ARHGAP22: variants seen among roughly 807,000 people sequenced by gnomAD.
ARHGAP22 encodes the protein rho GTPase-activating protein 22.
In ARHGAP22, 48 loss-of-function variants were observed where a neutral mutation model predicts 59.1. The observed-to-expected ratio is 0.81, with a 90% confidence interval of 0.64 to 1.03. The LOEUF is 1.03. Ranked by LOEUF, ARHGAP22 falls within the 50% of genes least tolerant of loss-of-function variation. The probability of loss-of-function intolerance (pLI) is 0.00; values close to 1 mark genes in which losing one functional copy is unlikely to be tolerated. For synonymous variants in ARHGAP22, 445 were observed against 416.4 expected (o/e 1.07, Z -0.84); for missense variants, 1,015 against 958.7 (o/e 1.06, Z -0.78).
At chr10:48,583,255 G>T (rs1244953412) in intron 1 of ARHGAP22, 103 bp from the exon 2 acceptor site, 1 of 1,356,206 alleles carries the variant, frequency 7.4e-7, no homozygotes, top group Non-Finnish European at 1.0e-6. Flanking sequence ...AGGCATGGGA[G>T]CCCAGGCCAG....
At chr10:48,520,698 G>T (rs1241206935) in intron 3 of ARHGAP22, among the ~76,000 whole-genome samples, 3 of 152,126 alleles carry the variant, frequency 2.0e-5, no homozygotes, top group Non-Finnish European at 4.4e-5. Context: ...GAGGGAGGGT[G>T]AGGATGTCGG....
intron 1 of ARHGAP22, among the ~76,000 whole-genome samples, chr10:48,647,809 G>A (rs1020067955): frequency 1.3e-5 from 2 of 152,184 alleles, no homozygotes; most frequent in East Asian, 1.9e-4. Context: ...ACGGGTGAGC[G>A]GAGAAACACA....
intron 1 of ARHGAP22, among the ~76,000 whole-genome samples, chr10:48,630,516 C>A (rs2061595183): frequency 1.3e-5 from 2 of 152,206 alleles, no homozygotes; most frequent in Admixed American, 1.3e-4. Context: ...AGATTATGTA[C>A]ATATTCTGTT....
At chr10:48,534,704 C>T (rs1317918593) in intron 3 of ARHGAP22, among the ~76,000 whole-genome samples, 1 of 152,210 alleles carries the variant, frequency 6.6e-6, no homozygotes, top group African/African-American at 2.4e-5. Flanking sequence ...GATGGGGAAA[C>T]TAAGGCTTGA....
intron 1 of ARHGAP22, among the ~76,000 whole-genome samples, chr10:48,589,499 GA>G (rs2059626581): frequency 6.6e-6 from 1 of 152,126 alleles, no homozygotes; most frequent in South Asian, 2.1e-4. Context: ...ACACTCCAGA[GA>G]AATGTCTCAT....
chr10:48,453,561 C>G, intron 7 of ARHGAP22, 136 bp from the exon 8 acceptor site: 1 of 1,311,290 alleles, frequency 7.6e-7, no homozygotes, highest in South Asian at 1.3e-5. Flanking sequence ...TGTAGCCTGC[C>G]TCTGCCAGGC....
chr10:48,585,032 C>G (rs962381005), intron 1 of ARHGAP22, among the ~76,000 whole-genome samples: 1 of 151,662 alleles, frequency 6.6e-6, no homozygotes, highest in African/African-American at 2.4e-5. Context: ...CAGGCACTGT[C>G]TGAGGACACA....
At chr10:48,451,754 T>C (rs1396137536) in intron 8 of ARHGAP22, 11 of 559,514 alleles carry the variant, frequency 2.0e-5, no homozygotes, top group East Asian at 1.2e-4. Context: ...CCACCCAGCC[T>C]CCCCAAATCC....
intron 3 of ARHGAP22, among the ~76,000 whole-genome samples, chr10:48,541,201 G>T (rs1226760436): frequency 6.6e-6 from 1 of 152,072 alleles, no homozygotes; most frequent in Non-Finnish European, 1.5e-5. Context: ...AGGAGGCTCT[G>T]TACTTGGGTT....
chr10:48,517,499 C>A (rs957899554), intron 3 of ARHGAP22, among the ~76,000 whole-genome samples: 1 of 152,202 alleles, frequency 6.6e-6, no homozygotes, highest in Non-Finnish European at 1.5e-5. Context: ...AGAAAACACA[C>A]CTCCAAGCCT....
In ARHGAP22 at chr10:48,477,812, G is replaced by A. The variant is rs1414532871; in HGVS notation, c.451+1824C>T. ...ATGGCTGTCCAAGTCTCTTGCCCAC[G>A]CTTCTGCTGCCTTGTCTGTTTTTGC... On this transcript the variant is annotated intron_variant, in intron 4 of 9. Transcript: ENST00000249601. 4.6e-5 allele frequency among the ~76,000 whole-genome samples: 7 copies of A among 152,268 alleles called. 1 individual carries two copies. Among genetic ancestry groups the A allele is most frequent in the East Asian group, 3.9e-4 (2 of 5,190 alleles).
intron 3 of ARHGAP22, among the ~76,000 whole-genome samples, chr10:48,503,621 T>C (rs1188643198): frequency 1.3e-5 from 2 of 152,256 alleles, no homozygotes; most frequent in Non-Finnish European, 2.9e-5. Flanking sequence ...TGTCCTTCCC[T>C]ACCATCCCAT....
chr10:48,562,116 C>T (rs1374734781), intron 2 of ARHGAP22, among the ~76,000 whole-genome samples: 6 of 151,924 alleles, frequency 3.9e-5, no homozygotes, highest in Non-Finnish European at 8.8e-5. Context: ...GTCCCAGCTA[C>T]TCAGGAGGCT....
At chr10:48,503,528 C>A (rs2051754515) in intron 3 of ARHGAP22, among the ~76,000 whole-genome samples, 1 of 152,226 alleles carries the variant, frequency 6.6e-6, no homozygotes, top group Non-Finnish European at 1.5e-5. Flanking sequence ...CCGTCACTGG[C>A]ACCACCACCC....
intron 3 of ARHGAP22, among the ~76,000 whole-genome samples, chr10:48,491,182 G>A (rs1384236976): frequency 6.6e-6 from 1 of 152,086 alleles, no homozygotes; most frequent in Non-Finnish European, 1.5e-5. Context: ...CAGTGAGCCT[G>A]AAGGCCCCTC....
intron 4 of ARHGAP22, among the ~76,000 whole-genome samples, chr10:48,473,868 G>A (rs972210585): frequency 3.9e-5 from 6 of 152,166 alleles, no homozygotes; most frequent in African/African-American, 1.4e-4. Flanking sequence ...ACCAGGCAAG[G>A]GATACACATG....
At chr10:48,631,244 T>G (rs1181287937) in intron 1 of ARHGAP22, among the ~76,000 whole-genome samples, 1 of 152,216 alleles carries the variant, frequency 6.6e-6, no homozygotes, top group Non-Finnish European at 1.5e-5. Flanking sequence ...TCTATATTCA[T>G]AAAAGATACT....
chr10:48,470,774 C>T (rs1286623939), intron 4 of ARHGAP22, among the ~76,000 whole-genome samples: 1 of 152,192 alleles, frequency 6.6e-6, no homozygotes, highest in Non-Finnish European at 1.5e-5. Flanking sequence ...AGCCCAGGCC[C>T]ACTGGCCAGG....
chr10:48,610,430 G>T (rs1475540466), intron 1 of ARHGAP22, among the ~76,000 whole-genome samples: 1 of 152,200 alleles, frequency 6.6e-6, no homozygotes, highest in Non-Finnish European at 1.5e-5. Flanking sequence ...TTCAGCCCTG[G>T]TCTGTGGGAA....
Sources: allele counts gnomAD v4.1 joint callset (sites outside exome capture counted in the v4.1 genomes callset), GRCh38; gene constraint gnomAD v4.1.1; transcripts MANE v1.5; gene names NCBI Gene and HGNC (gene_info 2026-07-23, HGNC 2026-07-21).